Variants in PCOLCE2 observed in about 807,000 individuals in gnomAD.
PCOLCE2 encodes procollagen C-proteinase enhancer 2.
In PCOLCE2, 42 loss-of-function variants were observed where a neutral mutation model predicts 47.0. The observed-to-expected ratio is 0.89, with a 90% CI of 0.70 to 1.16. The LOEUF is 1.16. Among genes scored for constraint, PCOLCE2 ranks in the 50% most tolerant of loss-of-function variants. The pLI is 0.00. For missense variants in PCOLCE2, 500 were observed against 526.1 expected (o/e 0.95, Z 0.49); for synonymous variants, 169 against 191.7 (o/e 0.88, Z 0.98).
chr3:142,820,548 T>A (rs75942078), intron 8 of PCOLCE2, among the ~76,000 whole-genome samples: 2 of 152,298 alleles, frequency 1.3e-5, no homozygotes, highest in East Asian at 3.9e-4. Context: ...CATTTCCTGT[T>A]GGCTGCTGGA....
intron 2 of PCOLCE2, among the ~76,000 whole-genome samples, chr3:142,877,925 T>TAATG (rs1933532482): frequency 2.0e-5 from 3 of 152,320 alleles, no homozygotes; most frequent in Middle Eastern, 6.8e-3. Flanking sequence ...TTTACAGTTT[T>TAATG]AATGAATGAA....
At chr3:142,834,988 A>G (rs1937187239) in intron 5 of PCOLCE2, among the ~76,000 whole-genome samples, 1 of 152,100 alleles carries the variant, frequency 6.6e-6, no homozygotes, top group Non-Finnish European at 1.5e-5. Flanking sequence ...CATTTGGCAA[A>G]TATGGCTTTT....
At chr3:142,827,476 C>T in intron 6 of PCOLCE2, 1 of 1,519,134 alleles carries the variant, frequency 6.6e-7, no homozygotes, top group East Asian at 2.3e-5. Flanking sequence ...TGGCATAGTT[C>T]CCTGATGCCC....
At chr3:142,827,188 C>T in intron 6 of PCOLCE2, 1 of 1,327,686 alleles carries the variant, frequency 7.5e-7, no homozygotes, top group Non-Finnish European at 1.1e-6. Flanking sequence ...GCAGGGTCAT[C>T]TCTGAGATGG....
intron 2 of PCOLCE2, 161 bp downstream of exon 2, chr3:142,887,508 A>G: frequency 1.7e-6 from 1 of 597,932 alleles, no homozygotes; most frequent in South Asian, 2.1e-5. Flanking sequence ...TAGATCTATT[A>G]TATTAATAAA....
chr3:142,847,851 TA>T (rs764683808), intron 3 of PCOLCE2, among the ~76,000 whole-genome samples: 4 of 152,314 alleles, frequency 2.6e-5, no homozygotes, highest in Admixed American at 2.6e-4. Flanking sequence ...TTTTATTTTT[TA>T]AAAGCTATTG....
Position 142,867,434 on chromosome 3 carries a change from A to G in PCOLCE2, c.193-18962T>C, listed in dbSNP as rs144460191. The stretch of plus-strand genomic sequence containing the variant: ...AGTGTTTTAATTTCTGCTCATCAAA[A>G]GTAACTGTTAATGAGTAGATAAACC... On this transcript the variant is annotated intron_variant, in intron 2 of 8. Coordinates refer to ENST00000295992, the MANE Select transcript of PCOLCE2 (RefSeq NM_013363.4). Among the ~76,000 whole-genome samples the G allele has an allele frequency of 1.0e-3, 158 of 152,340 alleles. 1 individual carries two copies. In the East Asian group the frequency reaches 0.025, roughly 24 times the overall value.
rs767747803 is a variant in PCOLCE2 at position 142,838,921 on chromosome 3, C to T, written c.574-15G>A. On this transcript the variant is annotated splice_polypyrimidine_tract_variant and intron_variant, in intron 4 of 8. Coordinates refer to ENST00000295992, the MANE Select transcript of PCOLCE2 (RefSeq NM_013363.4). ...AATTCTATAAGCTTTAGAGAAAGCA[C>T]AATAGAAGTGTCAAATATTAATAGC... The T allele has an allele frequency of 2.5e-6, 4 of 1,597,366 alleles. No individual in the cohort carries two copies. Among genetic ancestry groups the T allele is most frequent in the Non-Finnish European group, 2.6e-6 (3 of 1,165,306 alleles).
chr3:142,859,123 C>A (rs1933129636), intron 2 of PCOLCE2, among the ~76,000 whole-genome samples: 1 of 151,502 alleles, frequency 6.6e-6, no homozygotes, highest in African/African-American at 2.4e-5. Flanking sequence ...AGTGCAGTGG[C>A]ATGATCTCAG....
At chr3:142,846,712 T>C (rs535548326) in intron 3 of PCOLCE2, 4 of 152,212 alleles carry the variant, frequency 2.6e-5, no homozygotes, top group Non-Finnish European at 5.9e-5. Flanking sequence ...TTAAGTTCAC[T>C]GACTCTTTTT....
rs146863701 is a variant in PCOLCE2, at chr3:142,829,814, A to G, written c.743T>C (p.Ile248Thr). 1.0e-4 allele frequency: 164 copies of G among 1,597,420 alleles called. No homozygotes were observed. The highest frequency in any genetic ancestry group is 1.3e-4 in the Non-Finnish European group (151 of 1,169,940). The change falls in exon 6 of 9, where the codon ATT (isoleucine) becomes ACT (threonine). Residue 248 changes from isoleucine (I) to threonine (T), a missense_variant. Physicochemically the swap from Ile to Thr is moderately conservative, Grantham distance 89. Coordinates refer to ENST00000295992, the MANE Select transcript of PCOLCE2 (RefSeq NM_013363.4). ...TAAACTTAAGTCTGATAAAAACTGA[A>G]TAAGAAGTTCATTTCTCTCAGACAC... ...PIVSERNELL[I>T]QFLSDLSLTA...
At chr3:142,838,646 C>A in intron 5 of PCOLCE2, 124 bp downstream of exon 5, 2 of 808,654 alleles carry the variant, frequency 2.5e-6, no homozygotes, top group Non-Finnish European at 2.0e-6. Flanking sequence ...TAATAGAGGA[C>A]CCAATAATTT....
intron 1 of PCOLCE2, chr3:142,888,536 T>A (rs1933760340): frequency 5.4e-6 from 2 of 369,206 alleles, no homozygotes; most frequent in Non-Finnish European, 9.7e-6. Context: ...GAGACACAAG[T>A]CAGATTAAGC....
Position 142,883,198 on chromosome 3 carries a change from CAAAA to C in PCOLCE2, c.192+4467_192+4470del, listed in dbSNP as rs750569279. On this transcript the variant is annotated intron_variant, in intron 2 of 8. Transcript: ENST00000295992. ...TAGGCAACAGAGCGAGACTCCGTCT[CAAAA>C]AAAAAAAAAAAAAAAAAGGAAACCA... Among the ~76,000 whole-genome samples the C allele has an allele frequency of 7.0e-5, 5 of 71,898 alleles. No individual in the cohort carries two copies. The East Asian group carries it at 1.3e-3, about 19-fold the overall frequency. 47.2% of individuals were successfully genotyped at this position (71,898 alleles called of 152,430 possible).
At chr3:142,857,593 A>G (rs76353968) in intron 2 of PCOLCE2, among the ~76,000 whole-genome samples, 5,614 of 152,320 alleles carry the variant, frequency 0.037, 142 homozygotes, top group Non-Finnish European at 0.062. Context: ...TTTTAAAACA[A>G]TGAAAAAATC....
chr3:142,870,001 T>A (rs537383290), intron 2 of PCOLCE2, among the ~76,000 whole-genome samples: 2 of 152,226 alleles, frequency 1.3e-5, no homozygotes, highest in African/African-American at 4.8e-5. Context: ...GGCCTGTTTT[T>A]AAAAAATTAA....
Position 142,823,536 on chromosome 3 carries a change from G to C in PCOLCE2, c.945C>G (p.Asp315Glu). 6.3e-7 allele frequency: 1 copy of C among 1,590,226 alleles called. No individual in the cohort carries two copies. The highest frequency in any genetic ancestry group is 8.6e-7 in the Non-Finnish European group (1 of 1,160,092). The change falls in exon 7 of 9, where the codon GAC (aspartate) becomes GAG (glutamate). Residue 315 changes from aspartate to glutamate, a missense_variant. Asp to Glu is a conservative substitution (Grantham distance 45, BLOSUM62 2). Coordinates refer to ENST00000295992, the MANE Select transcript of PCOLCE2 (RefSeq NM_013363.4). ...GTLEGNYCSS[D>E]FVLAGTVITT... Reference sequence around the variant, plus strand: ...AGACTGGCTTTTATTTCTTACCAAAGTCACTTGAACAATAATTGCCCTCCA... The same window carrying C: ...AGACTGGCTTTTATTTCTTACCAAACTCACTTGAACAATAATTGCCCTCCA...
intron 2 of PCOLCE2, among the ~76,000 whole-genome samples, chr3:142,853,442 G>T (rs1341578037): frequency 6.6e-6 from 1 of 152,170 alleles, no homozygotes; most frequent in Admixed American, 6.5e-5. Context: ...CCTCGAGGGG[G>T]CAAGGATCCT....
intron 5 of PCOLCE2, among the ~76,000 whole-genome samples, chr3:142,834,062 C>T (rs1246246414): frequency 6.6e-6 from 1 of 152,096 alleles, no homozygotes; most frequent in Admixed American, 6.6e-5. Context: ...CCATCCTTTT[C>T]CTGCTGACTG....
Sources: allele counts gnomAD v4.1 joint callset (sites outside exome capture counted in the v4.1 genomes callset), GRCh38; gene constraint gnomAD v4.1.1; transcripts MANE v1.5; gene names NCBI Gene and HGNC (gene_info 2026-07-23, HGNC 2026-07-21).